Variants in STPG2 observed in about 807,000 individuals in gnomAD.
The protein encoded by STPG2 is sperm-tail PG-rich repeat-containing protein 2.
Under a neutral mutation model 54.2 loss-of-function variants are expected in STPG2, and 56 were observed. The ratio of observed to expected loss-of-function variants is 1.03; its 90% confidence interval spans 0.83 to 1.29. The LOEUF is 1.29. Ranked by LOEUF, STPG2 falls within the 50% of genes most tolerant of loss-of-function variation. The pLI, the probability that STPG2 is intolerant of heterozygous loss-of-function variation, is 0.00. For synonymous variants in STPG2, 200 were observed against 181.8 expected (o/e 1.10, Z -0.81); for missense variants, 596 against 544.9 (o/e 1.09, Z -0.93).
rs562901846 is a variant in STPG2, at chr4:97,723,722, G to A, written c.1205-10908C>T. The stretch of plus-strand genomic sequence containing the variant: ...ACTCACATTTCCATGTGGCTAGGGA[G>A]GCCTCAGGAAATGTACAGGCATGGT... On this transcript the variant is annotated intron_variant, in intron 9 of 10. Transcript: ENST00000295268. Among the ~76,000 whole-genome samples the A allele has an allele frequency of 4.6e-5, 7 of 152,278 alleles. No homozygotes were observed. The South Asian group carries it at 1.2e-3, about 27-fold the overall frequency.
chr4:97,448,819 T>A (rs920773341), intron 4 of STPG2, among the ~76,000 whole-genome samples: 6 of 152,126 alleles, frequency 3.9e-5, no homozygotes, highest in Non-Finnish European at 7.4e-5. Context: ...TCTCTATCAA[T>A]CAAGAAAGAA....
chr4:98,120,359 A>C, intron 3 of STPG2, among the ~76,000 whole-genome samples: 1 of 152,062 alleles, frequency 6.6e-6, no homozygotes, highest in Middle Eastern at 3.2e-3. Context: ...GATTACAGGC[A>C]TGAGCCACCA....
chr4:97,900,502 C>G (rs1731134273), intron 8 of STPG2, among the ~76,000 whole-genome samples: 1 of 151,774 alleles, frequency 6.6e-6, no homozygotes, highest in Non-Finnish European at 1.5e-5. Flanking sequence ...ATTCACAATA[C>G]CAAAGACATG....
At chr4:97,461,597 C>T (rs778127419) in intron 4 of STPG2, among the ~76,000 whole-genome samples, 5 of 152,046 alleles carry the variant, frequency 3.3e-5, no homozygotes, top group African/African-American at 4.8e-5. Context: ...TAGCAAACTG[C>T]GAGAAAAAGA....
At chr4:97,979,793 C>A (rs572412572) in intron 6 of STPG2, among the ~76,000 whole-genome samples, 14 of 150,754 alleles carry the variant, frequency 9.3e-5, no homozygotes, top group African/African-American at 2.0e-4. Context: ...GGCACTATCT[C>A]GGCTCACTGC....
intron 9 of STPG2, among the ~76,000 whole-genome samples, chr4:97,778,582 T>C (rs1036870551): frequency 6.6e-6 from 1 of 151,640 alleles, no homozygotes; most frequent in Non-Finnish European, 1.5e-5. Flanking sequence ...TTGAAGAGAG[T>C]AGTGGTTCTC....
rs1372970483 is a variant in STPG2 at position 97,716,011 on chromosome 4, C to G, written c.1205-3197G>C. On this transcript the variant is annotated intron_variant, in intron 9 of 10. Coordinates refer to ENST00000295268, the MANE Select transcript of STPG2 (RefSeq NM_174952.3). ...ACAAATGTACAAGAAAAAAATAACCCTGTCAAAAGGTTGGCGAAGGATATG... is the reference window on the plus strand; with the variant it reads ...ACAAATGTACAAGAAAAAAATAACCGTGTCAAAAGGTTGGCGAAGGATATG... 2.6e-5 allele frequency among the ~76,000 whole-genome samples: 4 copies of G among 152,022 alleles called. No homozygotes were observed. The South Asian group carries it at 8.3e-4, about 32-fold the overall frequency.
intron 9 of STPG2, among the ~76,000 whole-genome samples, chr4:97,775,032 T>C (rs1362153255): frequency 2.0e-5 from 3 of 152,206 alleles, no homozygotes; most frequent in Non-Finnish European, 4.4e-5. Flanking sequence ...GCTGGATGAA[T>C]AGTCTTTTGA....
intron 5 of STPG2, among the ~76,000 whole-genome samples, chr4:98,093,679 G>A (rs1374031892): frequency 1.3e-5 from 2 of 152,196 alleles, no homozygotes; most frequent in Non-Finnish European, 2.9e-5. Context: ...AATCATCGAT[G>A]TCACTCCTTC....
chr4:97,590,435 G>A (rs1274727294), intron 10 of STPG2, among the ~76,000 whole-genome samples: 2 of 152,042 alleles, frequency 1.3e-5, no homozygotes, highest in African/African-American at 4.8e-5. Context: ...TAGAAGGTAT[G>A]TGTAGGACAA....
At chr4:97,533,800 G>A (rs1427363564) in intron 4 of STPG2, among the ~76,000 whole-genome samples, 1 of 151,872 alleles carries the variant, frequency 6.6e-6, no homozygotes, top group Non-Finnish European at 1.5e-5. Flanking sequence ...ACATACATTT[G>A]GGTTACTTTG....
chr4:97,578,819 G>T (rs772331663), intron 10 of STPG2, among the ~76,000 whole-genome samples: 1 of 152,156 alleles, frequency 6.6e-6, no homozygotes, highest in East Asian at 1.9e-4. Flanking sequence ...ATCTAAAATT[G>T]ATCTTACCTA....
intron 7 of STPG2, among the ~76,000 whole-genome samples, chr4:97,962,006 A>G (rs1241579128): frequency 6.6e-6 from 1 of 152,222 alleles, no homozygotes; most frequent in African/African-American, 2.4e-5. Flanking sequence ...GTACATGTCT[A>G]CAATGAAATA....
chr4:97,989,093 T>A (rs1252946957), intron 5 of STPG2, among the ~76,000 whole-genome samples: 1 of 152,218 alleles, frequency 6.6e-6, no homozygotes, highest in Admixed American at 6.5e-5. Context: ...TTGGCTTAAA[T>A]GAGCAGATTC....
At chr4:97,925,168 C>A (rs1468283662) in intron 8 of STPG2, among the ~76,000 whole-genome samples, 1 of 152,198 alleles carries the variant, frequency 6.6e-6, no homozygotes, top group African/African-American at 2.4e-5. Flanking sequence ...CCTAGAAGTT[C>A]TGAATTGCAT....
At chr4:97,735,045 C>T (rs545078327) in intron 9 of STPG2, among the ~76,000 whole-genome samples, 1 of 149,962 alleles carries the variant, frequency 6.7e-6, no homozygotes, top group African/African-American at 2.5e-5. Context: ...TGCACTACAG[C>T]CTGGGCAAGA....
chr4:97,721,820 G>A (rs1724458312), intron 9 of STPG2, among the ~76,000 whole-genome samples: 1 of 151,916 alleles, frequency 6.6e-6, no homozygotes, highest in African/African-American at 2.4e-5. Context: ...ACCTAATTAG[G>A]AGACAGTATC....
intron 10 of STPG2, among the ~76,000 whole-genome samples, chr4:97,597,255 A>G (rs1211617899): frequency 6.6e-6 from 1 of 152,070 alleles, no homozygotes; most frequent in African/African-American, 2.4e-5. Flanking sequence ...GCAAAATTGA[A>G]TCAGTTATAA....
At chr4:97,532,944 G>A (rs1456971833) in intron 4 of STPG2, among the ~76,000 whole-genome samples, 1 of 152,046 alleles carries the variant, frequency 6.6e-6, no homozygotes, top group Non-Finnish European at 1.5e-5. Context: ...GCGCAGTGGT[G>A]CAATCCCAGC....
Sources: allele counts gnomAD v4.1 joint callset (sites outside exome capture counted in the v4.1 genomes callset), GRCh38; gene constraint gnomAD v4.1.1; transcripts MANE v1.5; gene names NCBI Gene and HGNC (gene_info 2026-07-23, HGNC 2026-07-21).